The following MAP2K6 variants were observed in gnomAD, a reference collection of about 807,000 sequenced individuals.
MAP2K6 encodes mitogen-activated protein kinase kinase 6, also known as dual specificity mitogen-activated protein kinase kinase 6.
MAP2K6 carries 16 observed loss-of-function variants against 53.7 expected under a neutral mutation model. That is an observed-to-expected ratio of 0.30 (90% CI 0.20 to 0.45). The LOEUF is 0.45. MAP2K6 is among the 20% of genes least tolerant of loss of function. The pLI, the probability that MAP2K6 is intolerant of heterozygous loss-of-function variation, is 1.00. For synonymous variants in MAP2K6, 132 were observed against 143.1 expected (o/e 0.92, Z 0.55); for missense variants, 204 against 411.9 (o/e 0.50, Z 4.37).
chr17:69,467,823 G>A (rs1907863382), intron 1 of MAP2K6, among the ~76,000 whole-genome samples: 1 of 151,898 alleles, frequency 6.6e-6, no homozygotes, highest in African/African-American at 2.4e-5. Context: ...AGGCTGGAGT[G>A]CAGTGGCATG....
chr17:69,528,068 C>T lies in MAP2K6; in HGVS notation c.881+1359C>T, dbSNP rs189993138. On this transcript the variant is annotated intron_variant, in intron 10 of 11. Coordinates refer to ENST00000590474, the MANE Select transcript of MAP2K6 (RefSeq NM_002758.4). ...AGGCTGCAGTGAGCCGAGATCACGC[C>T]ATTGCACTCCAGCCTGAGCAACAAG... 3.9e-3 allele frequency among the ~76,000 whole-genome samples: 553 copies of T among 141,156 alleles called. 7 individuals are homozygous for T. The highest frequency in any genetic ancestry group is 0.014 in the African/African-American group (539 of 37,502). The allele number at this position is 141,156 out of a possible 152,430, so 92.6% of individuals were successfully genotyped here. A position where few individuals can be genotyped will look rare whatever the true frequency, so the allele number is the denominator to read the frequency against.
rs1910680145 is a variant in MAP2K6, at chr17:69,524,836, C to A, written c.664-65C>A. The A allele has an allele frequency of 4.8e-6, 6 of 1,237,672 alleles. No individual in the cohort carries two copies. In the South Asian group the frequency reaches 7.3e-5, roughly 15 times the overall value. The allele number at this position is 1,237,672 out of a possible 1,614,324, so 76.7% of individuals were successfully genotyped here. On this transcript the variant is annotated intron_variant, in intron 8 of 11. Transcript: ENST00000590474. ...CTGGTGCTACCCCCATCCCCAGAGA[C>A]TATTGAGCTAAGAACGTTATCTCAA... is the stretch of plus-strand genomic sequence containing the variant.
At chr17:69,424,119 A>G (rs1435362269) in intron 1 of MAP2K6, among the ~76,000 whole-genome samples, 1 of 152,186 alleles carries the variant, frequency 6.6e-6, no homozygotes, top group Non-Finnish European at 1.5e-5. Context: ...GTTTTCTTAC[A>G]TTAACCCCCT....
In MAP2K6 at chr17:69,526,636, G is replaced by A; in HGVS notation, c.808G>A (p.Val270Met). The A allele has an allele frequency of 6.2e-7, 1 of 1,614,056 alleles. No homozygotes were observed. The highest frequency in any genetic ancestry group is 8.5e-7 in the Non-Finnish European group (1 of 1,180,000). The change falls in exon 10 of 12, where the codon GTG becomes ATG. Residue 270 changes from valine to methionine, a missense_variant. Transcript: ENST00000590474. Reference protein sequence around the residue: ...WGTPFQQLKQVVEEPSPQLPA... With the variant: ...WGTPFQQLKQMVEEPSPQLPA... The stretch of plus-strand genomic sequence containing the variant: ...AACTCCATTTCAGCAGCTCAAACAG[G>A]TGGTAGAGGAGCCATCGCCACAACT...
At position 69,548,901 on chromosome 17, in the gene MAP2K6, T is replaced by G. The variant is rs1911984830; in HGVS notation, c.*7148T>G. The stretch of plus-strand genomic sequence containing the variant: ...ATTTCTTTTTCAAGCAAAACTCCTC[T>G]GAAAGCCTCTTTGCTATAGAGGTGA... On this transcript the variant is annotated 3_prime_UTR_variant, in exon 12 of 12. Transcript: ENST00000590474. The G allele has an allele frequency of 6.6e-6, 1 of 152,312 alleles. No homozygotes were observed. Among genetic ancestry groups the G allele is most frequent in the South Asian group, 2.1e-4 (1 of 4,832 alleles). 9.4% of individuals were successfully genotyped at this position (152,312 alleles called of 1,614,324 possible).
chr17:69,518,671 A>T (rs1436512327), intron 4 of MAP2K6, among the ~76,000 whole-genome samples: 1 of 152,126 alleles, frequency 6.6e-6, no homozygotes, highest in Non-Finnish European at 1.5e-5. Flanking sequence ...TATCTTGTAG[A>T]TTTTTCAGTC....
intron 1 of MAP2K6, among the ~76,000 whole-genome samples, chr17:69,442,007 ACTGAACAGTG>A (rs1262509373): frequency 1.3e-5 from 2 of 152,214 alleles, no homozygotes; most frequent in East Asian, 3.9e-4. Context: ...TTTTGCTACC[ACTGAACAGTG>A]GTAGAGGTCT....
chr17:69,487,983 C>G (rs1009377971), intron 1 of MAP2K6, among the ~76,000 whole-genome samples: 1 of 152,162 alleles, frequency 6.6e-6, no homozygotes, highest in Non-Finnish European at 1.5e-5. Context: ...TAAAGAGCTT[C>G]TGTATAGCAA....
chr17:69,422,581 C>T (rs1260799248), intron 1 of MAP2K6, among the ~76,000 whole-genome samples: 2 of 152,186 alleles, frequency 1.3e-5, no homozygotes, highest in African/African-American at 4.8e-5. Flanking sequence ...ACCATTAGCC[C>T]CAGGTGGAGC....
chr17:69,532,060 A>G (rs909910578), intron 10 of MAP2K6, among the ~76,000 whole-genome samples: 2 of 152,180 alleles, frequency 1.3e-5, no homozygotes, highest in East Asian at 1.9e-4. Context: ...CTCCAGGCCT[A>G]TTTAAGAAGC....
chr17:69,422,472 A>G (rs1906123890), intron 1 of MAP2K6, among the ~76,000 whole-genome samples: 1 of 152,172 alleles, frequency 6.6e-6, no homozygotes, highest in Admixed American at 6.5e-5. Context: ...GAGTTGAAGC[A>G]TTAAATAAGC....
chr17:69,456,565 G>A (rs904496385), intron 1 of MAP2K6, among the ~76,000 whole-genome samples: 1 of 152,140 alleles, frequency 6.6e-6, no homozygotes, highest in Non-Finnish European at 1.5e-5. Context: ...GGAGGGTGAG[G>A]TGTTGTTGTG....
chr17:69,476,737 T>C (rs1908163301), intron 1 of MAP2K6, among the ~76,000 whole-genome samples: 3 of 152,206 alleles, frequency 2.0e-5, no homozygotes, highest in Admixed American at 2.0e-4. Context: ...TGGTCTGTTA[T>C]GATCAGCCTT....
chr17:69,482,806 T>C (rs957130326), intron 1 of MAP2K6, among the ~76,000 whole-genome samples: 4 of 152,074 alleles, frequency 2.6e-5, no homozygotes, highest in Non-Finnish European at 1.5e-5. Context: ...TTCCTAGTGG[T>C]AGAATTGCTG....
chr17:69,467,603 A>T (rs1359739798), intron 1 of MAP2K6, among the ~76,000 whole-genome samples: 2 of 152,176 alleles, frequency 1.3e-5, no homozygotes, highest in Non-Finnish European at 2.9e-5. Flanking sequence ...TAATGCTTTT[A>T]GACTTCTTGG....
intron 1 of MAP2K6, among the ~76,000 whole-genome samples, chr17:69,496,898 C>G (rs2145209267): frequency 6.6e-6 from 1 of 152,256 alleles, no homozygotes; most frequent in Non-Finnish European, 1.5e-5. Context: ...TGACTTTCCT[C>G]TTTCACTTAA....
intron 2 of MAP2K6, among the ~76,000 whole-genome samples, chr17:69,506,633 C>T (rs1261931868): frequency 6.6e-6 from 1 of 152,054 alleles, no homozygotes; most frequent in Non-Finnish European, 1.5e-5. Flanking sequence ...TACAAAAGTG[C>T]CTCCCTTTGT....
At chr17:69,521,246 A>G (rs1206696827) in intron 7 of MAP2K6, 146 bp downstream of exon 7, 64 of 605,334 alleles carry the variant, frequency 1.1e-4, no homozygotes, top group Non-Finnish European at 2.9e-6. Flanking sequence ...GAGATTGGAT[A>G]GCAAACCATA....
intron 10 of MAP2K6, among the ~76,000 whole-genome samples, chr17:69,531,038 A>G (rs1911057998): frequency 6.6e-6 from 1 of 151,042 alleles, no homozygotes; most frequent in South Asian, 2.1e-4. Context: ...TTATTGAGAC[A>G]TAACTTCATT....
Sources: gnomAD v4.1 joint callset for allele counts (sites outside exome capture counted in the v4.1 genomes callset) on GRCh38, gnomAD v4.1.1 for gene constraint, MANE v1.5 for transcripts, NCBI Gene and HGNC (gene_info 2026-07-23, HGNC 2026-07-21) for gene names.